ZNHIT1: variants seen among roughly 807,000 people sequenced by gnomAD.
ZNHIT1 encodes zinc finger HIT domain-containing protein 1.
In ZNHIT1, 20 loss-of-function variants were observed where a neutral mutation model predicts 21.4. That is an observed-to-expected ratio of 0.93 (90% confidence interval 0.66 to 1.36). ZNHIT1 has a LOEUF of 1.36. Among genes scored for constraint, ZNHIT1 ranks in the 40% most tolerant of loss-of-function variants. The pLI is 0.00. For synonymous variants in ZNHIT1, 79 were observed against 84.0 expected (o/e 0.94, Z 0.32); for missense variants, 170 against 213.5 (o/e 0.80, Z 1.27).
Position 101,222,731 on chromosome 7 carries a change from G to T in ZNHIT1, c.150G>T (p.Gln50His). 1 of 1,614,178 alleles carries T rather than the reference G, an allele frequency of 6.2e-7. No individual in the cohort carries two copies. Among genetic ancestry groups the T allele is most frequent in the Non-Finnish European group, 8.5e-7 (1 of 1,179,988 alleles). ...FQDDPHAGLP[Q>H]LGKRLPQFDD... is the part of the protein sequence containing the mutation. ...ATGACCCCCACGCGGGACTCCCTCAGCTCGGCAAGAGACTGCCTCAGTTTG... is the reference window on the plus strand; with the variant it reads ...ATGACCCCCACGCGGGACTCCCTCATCTCGGCAAGAGACTGCCTCAGTTTG... The change falls in exon 2 of 5, where the codon CAG (glutamine) becomes CAT (histidine). Residue 50 changes from glutamine (Q) to histidine (H), a missense_variant. Transcript: ENST00000305105.
chr7:101,223,358 CAG>C, intron 2 of ZNHIT1, 117 bp from the exon 3 acceptor site: 1 of 1,088,944 alleles, frequency 9.2e-7, no homozygotes, highest in South Asian at 1.4e-5. Flanking sequence ...GCCTGGGTGA[CAG>C]AGTGAGACTG....
chr7:101,219,309 A>C (rs563270107), intron 1 of ZNHIT1: 1 of 152,106 alleles, frequency 6.6e-6, no homozygotes, highest in African/African-American at 2.4e-5. Context: ...GTGTCTCACT[A>C]TGTTGCCCAG....
chr7:101,224,157 C>A lies in ZNHIT1; in HGVS notation c.*199C>A, dbSNP rs1490709765. On this transcript the variant is annotated 3_prime_UTR_variant, in exon 5 of 5. Coordinates refer to ENST00000305105, the MANE Select transcript of ZNHIT1 (RefSeq NM_006349.3). ...TGTCTGGCAGGTAGGCTGGGCCCCC[C>A]AGTGCTGTTAGAATAAAAAGCCTCG... 3 of 766,718 alleles carry A rather than the reference C, an allele frequency of 3.9e-6. No individual in the cohort carries two copies. The highest frequency in any genetic ancestry group is 6.2e-6 in the Non-Finnish European group (3 of 483,994). 47.5% of individuals were successfully genotyped at this position (766,718 alleles called of 1,614,324 possible). A position where few individuals can be genotyped will look rare whatever the true frequency, so the allele number is the denominator to read the frequency against.
At chr7:101,218,250 C>T in intron 1 of ZNHIT1, 33 bp downstream of exon 1, 1 of 1,602,174 alleles carries the variant, frequency 6.2e-7, no homozygotes, top group Non-Finnish European at 8.5e-7. Flanking sequence ...CCCCCTTCCC[C>T]TTCCCAAGTC....
intron 1 of ZNHIT1, chr7:101,221,236 T>G (rs1584259949): frequency 6.7e-6 from 1 of 150,260 alleles, no homozygotes; most frequent in East Asian, 1.9e-4. Flanking sequence ...TTTTTTTTTT[T>G]TGGAGACAGT....
rs142188467 is a variant in ZNHIT1 at position 101,223,946 on chromosome 7, G to A, written c.453G>A (p.Lys151=). The A allele has an allele frequency of 9.7e-5, 156 of 1,614,166 alleles. No individual in the cohort carries two copies. The African/African-American group carries it at 1.9e-3, about 20-fold the overall frequency. ...TCCCCTCTGTCTGCAGGTGTCTGAA[G>A]TGGACTGTGTGAGCCTGGGCATTCC... ...LGTHQETRCL[K]WTV Residue 151 remains lysine (K), a synonymous_variant, in exon 5 of 5, where the codon AAG becomes AAA. Coordinates refer to ENST00000305105, the MANE Select transcript of ZNHIT1 (RefSeq NM_006349.3).
chr7:101,224,106 G>GA lies in ZNHIT1; in HGVS notation c.*151dup, dbSNP rs1351269965. ...AACAAAACTGTGTCTTATCTGCCAG[G>GA]AAAGACCAGCCTCACTCCTGGGAAC... On this transcript the variant is annotated 3_prime_UTR_variant, in exon 5 of 5. Coordinates refer to ENST00000305105, the MANE Select transcript of ZNHIT1 (RefSeq NM_006349.3). 1 of 1,246,278 alleles carries GA rather than the reference G, an allele frequency of 8.0e-7. No individual in the cohort carries two copies. The highest frequency in any genetic ancestry group is 1.5e-5 in the African/African-American group (1 of 67,674). The allele number at this position is 1,246,278 out of a possible 1,614,324, so 77.2% of individuals were successfully genotyped here. A position where few individuals can be genotyped will look rare whatever the true frequency, so the allele number is the denominator to read the frequency against.
Position 101,223,768 on chromosome 7 carries a change from A to G in ZNHIT1, c.369A>G (p.Pro123=). ...CCTTCTGTGCTGTCTGTGGCTTCCCATCCCCCTACACCTGTGTCAGCTGCG... is the reference window on the plus strand; with the variant it reads ...CCTTCTGTGCTGTCTGTGGCTTCCCGTCCCCCTACACCTGTGTCAGCTGCG... ...QRPFCAVCGF[P]SPYTCVSCGA... is the part of the protein sequence containing the mutation. The change falls in exon 4 of 5, where the codon CCA becomes CCG. Residue 123 remains proline, a synonymous_variant. Transcript: ENST00000305105. The G allele has an allele frequency of 2.5e-6, 4 of 1,613,926 alleles. No homozygotes were observed. The highest frequency in any genetic ancestry group is 3.4e-6 in the Non-Finnish European group (4 of 1,179,958).
intron 2 of ZNHIT1, 22 bp from the exon 3 acceptor site, chr7:101,223,455 A>G (rs1244371540): frequency 9.9e-6 from 16 of 1,613,582 alleles, no homozygotes; most frequent in African/African-American, 1.3e-5. Context: ...GTGCCAAGCA[A>G]CGGATCACCC....
At chr7:101,218,366 T>G in intron 1 of ZNHIT1, 149 bp downstream of exon 1, 1 of 865,392 alleles carries the variant, frequency 1.2e-6, no homozygotes, top group South Asian at 1.8e-5. Flanking sequence ...CTCGATTTCC[T>G]GGGATCAAAC....
intron 2 of ZNHIT1, 82 bp downstream of exon 2, chr7:101,222,856 C>A: frequency 6.6e-7 from 1 of 1,525,842 alleles, no homozygotes; most frequent in Non-Finnish European, 8.8e-7. Flanking sequence ...GTGGGAGGAC[C>A]CAGGAGCTCC....
intron 4 of ZNHIT1, 45 bp from the exon 5 acceptor site, chr7:101,223,892 C>A (rs1343504118): frequency 6.2e-7 from 1 of 1,614,054 alleles, no homozygotes; most frequent in Non-Finnish European, 8.5e-7. Context: ...CCCACAGCCT[C>A]CCCAGACCTC....
At chr7:101,223,379 A>G in intron 2 of ZNHIT1, 98 bp from the exon 3 acceptor site, 1 of 1,347,504 alleles carries the variant, frequency 7.4e-7, no homozygotes, top group South Asian at 1.2e-5. Context: ...TGTCTCAAAA[A>G]GAACCAGGAG....
Position 101,224,094 on chromosome 7 carries a change from C to A in ZNHIT1, c.*136C>A. 1 of 1,370,172 alleles carries A rather than the reference C, an allele frequency of 7.3e-7. No homozygotes were observed. The highest frequency in any genetic ancestry group is 1.2e-5 in the South Asian group (1 of 80,350). 84.9% of individuals were successfully genotyped at this position (1,370,172 alleles called of 1,614,324 possible). A position where few individuals can be genotyped will look rare whatever the true frequency, so the allele number is the denominator to read the frequency against. On this transcript the variant is annotated 3_prime_UTR_variant, in exon 5 of 5. Transcript: ENST00000305105. ...GCTCATTCACCCAACAAAACTGTGT[C>A]TTATCTGCCAGGAAAGACCAGCCTC... is the stretch of plus-strand genomic sequence containing the variant.
chr7:101,222,665 C>G lies in ZNHIT1; in HGVS notation c.84C>G (p.Ile28Met). 1 of 1,614,128 alleles carries G rather than the reference C, an allele frequency of 6.2e-7. No individual in the cohort carries two copies. The highest frequency in any genetic ancestry group is 8.5e-7 in the Non-Finnish European group (1 of 1,179,996). Residue 28 changes from isoleucine (I) to methionine (M), a missense_variant, in exon 2 of 5, where the codon ATC becomes ATG. Physicochemically the swap from Ile to Met is conservative, Grantham distance 10. Coordinates refer to ENST00000305105, the MANE Select transcript of ZNHIT1 (RefSeq NM_006349.3). ...ACCGGGCTGCCCGGCAGCGTCGCAT[C>G]AACCGGCAGCTGGAGGCCCTGGAGA... ...VLDRAARQRR[I>M]NRQLEALEND...
At chr7:101,223,394 C>T (rs1334690888) in intron 2 of ZNHIT1, 83 bp from the exon 3 acceptor site, 2 of 1,466,624 alleles carry the variant, frequency 1.4e-6, no homozygotes, top group Non-Finnish European at 1.9e-6. Context: ...CAGGAGGGCA[C>T]ATGGGCATGG....
Position 101,223,534 on chromosome 7 carries a change from T to C in ZNHIT1, c.251T>C (p.Phe84Ser). Residue 84 changes from phenylalanine to serine, a missense_variant, in exon 3 of 5, where the codon TTT (phenylalanine) becomes TCT (serine). Coordinates refer to ENST00000305105, the MANE Select transcript of ZNHIT1 (RefSeq NM_006349.3). ...DHFKLRFRKN[F>S]QALLEEQNLS... ...TTTAAACTTCGCTTCCGAAAAAACTTTCAGGCCCTGTTGGAGGAGCAGGTG... is the reference window on the plus strand; with the variant it reads ...TTTAAACTTCGCTTCCGAAAAAACTCTCAGGCCCTGTTGGAGGAGCAGGTG... 6.2e-7 allele frequency: 1 copy of C among 1,614,156 alleles called. No individual in the cohort carries two copies. Among genetic ancestry groups the C allele is most frequent in the Non-Finnish European group, 8.5e-7 (1 of 1,180,022 alleles).
chr7:101,223,963 G>A lies in ZNHIT1; in HGVS notation c.*5G>A, dbSNP rs995080368. The stretch of plus-strand genomic sequence containing the variant: ...TGTCTGAAGTGGACTGTGTGAGCCT[G>A]GGCATTCCCAGAGAGGAAGGGCCGC... On this transcript the variant is annotated 3_prime_UTR_variant, in exon 5 of 5. Coordinates refer to ENST00000305105, the MANE Select transcript of ZNHIT1 (RefSeq NM_006349.3). 8 of 1,614,166 alleles carry A rather than the reference G, an allele frequency of 5.0e-6. No individual in the cohort carries two copies. The highest frequency in any genetic ancestry group is 6.8e-6 in the Non-Finnish European group (8 of 1,180,022).
chr7:101,222,691 A>T lies in ZNHIT1; in HGVS notation c.110A>T (p.Asn37Ile), dbSNP rs1022236463. ...RINRQLEALE[N>I]DNFQDDPHAG... ...AACCGGCAGCTGGAGGCCCTGGAGA[A>T]TGACAACTTCCAGGATGACCCCCAC... Residue 37 changes from asparagine to isoleucine, a missense_variant, in exon 2 of 5, where the codon AAT becomes ATT. Coordinates refer to ENST00000305105, the MANE Select transcript of ZNHIT1 (RefSeq NM_006349.3). The T allele has an allele frequency of 1.9e-6, 3 of 1,614,056 alleles. No individual in the cohort carries two copies. Among genetic ancestry groups the T allele is most frequent in the Non-Finnish European group, 1.7e-6 (2 of 1,180,002 alleles).
Sources: allele counts gnomAD v4.1 joint callset, GRCh38; gene constraint gnomAD v4.1.1; transcripts MANE v1.5; gene names NCBI Gene and HGNC (gene_info 2026-07-23, HGNC 2026-07-21).